ZNF57: variants seen among roughly 807,000 people sequenced by gnomAD.
ZNF57 encodes zinc finger protein 57.
Under a neutral mutation model 13.4 loss-of-function variants are expected in ZNF57, and 11 were observed. That is an observed-to-expected ratio of 0.82 (90% CI 0.52 to 1.36). The LOEUF is 1.36. ZNF57 is among the 40% of genes most tolerant of loss of function. The pLI is 0.00. For synonymous variants in ZNF57, 224 were observed against 238.5 expected (o/e 0.94, Z 0.56); for missense variants, 696 against 667.5 (o/e 1.04, Z -0.47).
chr19:2,915,526 C>T lies in ZNF57; in HGVS notation c.8C>T (p.Ser3Leu). 7 of 1,613,786 alleles carry T rather than the reference C, an allele frequency of 4.3e-6. No homozygotes were observed. Among genetic ancestry groups the T allele is most frequent in the Non-Finnish European group, 5.9e-6 (7 of 1,179,776 alleles). The change falls in exon 2 of 4, where the codon TCA (serine) becomes TTA (leucine). Residue 3 changes from serine (S) to leucine (L), a missense_variant. Transcript: ENST00000306908. The part of the protein sequence containing the change: MD[S>L]VVFEDVAVDF... ...CACCTGTGTGGTTTGTCTTAGGACT[C>T]AGTGGTCTTTGAGGATGTGGCTGTG...
intron 1 of ZNF57, among the ~76,000 whole-genome samples, chr19:2,906,462 G>C (rs895447301): frequency 2.0e-5 from 3 of 152,248 alleles, no homozygotes; most frequent in Non-Finnish European, 4.4e-5. Flanking sequence ...AAATATGCCA[G>C]TGGGGCTCAG....
At position 2,905,509 on chromosome 19, in the gene ZNF57, T is replaced by C. The variant is rs528110639; in HGVS notation, c.3+4461T>C. 1.6e-3 allele frequency among the ~76,000 whole-genome samples: 243 copies of C among 150,034 alleles called. 1 individual carries two copies. The highest frequency in any genetic ancestry group is 3.5e-3 in the Middle Eastern group (1 of 288). Reference sequence around the variant, plus strand: ...GTGATTTAAGTGCCTTGATGTGTTTTAGAATTGTCCCTCTACCGGCGGAGG... The same window carrying C: ...GTGATTTAAGTGCCTTGATGTGTTTCAGAATTGTCCCTCTACCGGCGGAGG... On this transcript the variant is annotated intron_variant, in intron 1 of 3. Transcript: ENST00000306908.
intron 1 of ZNF57, among the ~76,000 whole-genome samples, chr19:2,902,210 T>C (rs1260891691): frequency 7.6e-6 from 1 of 131,204 alleles, no homozygotes; most frequent in Non-Finnish European, 1.6e-5. Flanking sequence ...CAGAGGCAGT[T>C]TGGGGGACGA....
At chr19:2,902,991 T>C (rs1599594791) in intron 1 of ZNF57, among the ~76,000 whole-genome samples, 1 of 152,188 alleles carries the variant, frequency 6.6e-6, no homozygotes, top group Non-Finnish European at 1.5e-5. Context: ...GAGCCTGCAC[T>C]GGAGGCCGCT....
chr19:2,916,759 A>G (rs2144936296), intron 3 of ZNF57, 165 bp from the exon 4 acceptor site: 2 of 538,270 alleles, frequency 3.7e-6, no homozygotes, highest in East Asian at 3.1e-5. Flanking sequence ...AACCCCATAT[A>G]TAATAAATAC....
intron 1 of ZNF57, among the ~76,000 whole-genome samples, chr19:2,905,116 C>T (rs991900346): frequency 3.9e-5 from 6 of 152,026 alleles, no homozygotes; most frequent in Non-Finnish European, 7.4e-5. Context: ...AGCTTCCCAT[C>T]CTTTTGTGTT....
intron 1 of ZNF57, among the ~76,000 whole-genome samples, chr19:2,905,600 TAAAAAATAC>T (rs1432996247): frequency 1.3e-5 from 2 of 151,032 alleles, no homozygotes; most frequent in Admixed American, 6.6e-5. Flanking sequence ...CCGTCTCTAC[TAAAAAATAC>T]AAAAAATTAG....
chr19:2,908,157 A>C (rs2088092519), intron 1 of ZNF57, among the ~76,000 whole-genome samples: 1 of 152,216 alleles, frequency 6.6e-6, no homozygotes, highest in Admixed American at 6.5e-5. Context: ...ATTTCTTGGA[A>C]TCTTGGTAAA....
chr19:2,918,239 G>A lies in ZNF57; in HGVS notation c.1618G>A (p.Ala540Thr). The A allele has an allele frequency of 6.2e-7, 1 of 1,612,508 alleles. No homozygotes were observed. Among genetic ancestry groups the A allele is most frequent in the Non-Finnish European group, 8.5e-7 (1 of 1,179,098 alleles). Residue 540 changes from alanine to threonine, a missense_variant, in exon 4 of 4, where the codon GCC becomes ACC. Around this residue, in one of 3 missense-constraint regions of ZNF57, gnomAD observed 645 missense variants for 591.5 expected, o/e 1.09. Coordinates refer to ENST00000306908, the MANE Select transcript of ZNF57 (RefSeq NM_173480.3). The stretch of plus-strand genomic sequence containing the variant: ...CCACGAATGTCAGTCATACTCAAAA[G>A]CCTTCAGTTGCCAAGTCATTCTTTC... ...KSHECQSYSKAFSCQVILSKT... is the reference protein window; with the variant it reads ...KSHECQSYSKTFSCQVILSKT...
intron 1 of ZNF57, among the ~76,000 whole-genome samples, chr19:2,909,037 A>G (rs1219808830): frequency 6.6e-6 from 1 of 151,968 alleles, no homozygotes; most frequent in Non-Finnish European, 1.5e-5. Flanking sequence ...TTAGAGCTCC[A>G]TTCCTTACAT....
intron 1 of ZNF57, among the ~76,000 whole-genome samples, chr19:2,903,870 C>T (rs1261508523): frequency 2.6e-5 from 4 of 152,146 alleles, no homozygotes; most frequent in Non-Finnish European, 5.9e-5. Flanking sequence ...CGACCGCCAC[C>T]TCGCCCGGCT....
In ZNF57 at chr19:2,918,067, A is replaced by C. The variant is rs1431750696; in HGVS notation, c.1446A>C (p.Gly482=). 6.2e-7 allele frequency: 1 copy of C among 1,613,518 alleles called. No individual in the cohort carries two copies. The highest frequency in any genetic ancestry group is 8.5e-7 in the Non-Finnish European group (1 of 1,179,842). ...GEKPYECKQC[G]KTFTWSSTLH... is the part of the protein sequence containing the mutation. ...AGCCTTATGAGTGTAAACAATGTGG[A>C]AAAACCTTCACTTGGTCCTCAACCT... The change falls in exon 4 of 4, where the codon GGA becomes GGC. Residue 482 remains glycine, a synonymous_variant. Transcript: ENST00000306908.
At chr19:2,914,403 C>T (rs746949511) in intron 1 of ZNF57, among the ~76,000 whole-genome samples, 2 of 152,060 alleles carry the variant, frequency 1.3e-5, no homozygotes, top group Non-Finnish European at 2.9e-5. Flanking sequence ...TACAGGCACG[C>T]ACCACCATGC....
intron 1 of ZNF57, among the ~76,000 whole-genome samples, chr19:2,905,499 T>A (rs570107964): frequency 1.7e-4 from 25 of 147,776 alleles, no homozygotes; most frequent in African/African-American, 4.5e-4. Context: ...TTAAGTGCCT[T>A]GATGTGTTTT....
Position 2,918,148 on chromosome 19 carries a change from T to G in ZNF57, c.1527T>G (p.Cys509Trp). ...AGAAACCTCACAAATGTAAACAATG[T>G]GGGATGTCCTTCAAGTGGCACTCCT... ...TGEKPHKCKQ[C>W]GMSFKWHSSF... Residue 509 changes from cysteine to tryptophan, a missense_variant, in exon 4 of 4, where the codon TGT becomes TGG. By Grantham distance (215) the Cys-to-Trp change is radical. Transcript: ENST00000306908. 1.2e-6 allele frequency: 2 copies of G among 1,614,216 alleles called. No homozygotes were observed. Among genetic ancestry groups the G allele is most frequent in the Non-Finnish European group, 1.7e-6 (2 of 1,180,044 alleles).
chr19:2,906,320 C>T (rs2088075058), intron 1 of ZNF57, among the ~76,000 whole-genome samples: 1 of 152,234 alleles, frequency 6.6e-6, no homozygotes, highest in Admixed American at 6.5e-5. Flanking sequence ...TCCCAAAGTG[C>T]TGGGAGGAAA....
At chr19:2,901,138 T>G in intron 1 of ZNF57, 90 bp downstream of exon 1, 2 of 1,451,216 alleles carry the variant, frequency 1.4e-6, no homozygotes, top group Non-Finnish European at 1.8e-6. Context: ...CGGCCGGGAT[T>G]GGCTGAGGGA....
At chr19:2,906,865 CAG>C (rs1334108192) in intron 1 of ZNF57, among the ~76,000 whole-genome samples, 1 of 152,158 alleles carries the variant, frequency 6.6e-6, no homozygotes, top group East Asian at 1.9e-4. Context: ...CAGCTCCGGG[CAG>C]AGAGGCACAG....
At chr19:2,901,260 G>A (rs1335485728) in intron 1 of ZNF57, among the ~76,000 whole-genome samples, 6 of 135,786 alleles carry the variant, frequency 4.4e-5, no homozygotes, top group African/African-American at 1.1e-4. Flanking sequence ...AGGAGCTTGG[G>A]GGTAACTTAG....
Sources: gnomAD v4.1 joint callset for allele counts (sites outside exome capture counted in the v4.1 genomes callset) on GRCh38, gnomAD v4.1.1 for gene constraint, gnomAD v4.1.1 regional missense constraint, MANE v1.5 for transcripts, NCBI Gene and HGNC (gene_info 2026-07-23, HGNC 2026-07-21) for gene names.